MAP4K4: variants seen among roughly 807,000 people sequenced by gnomAD.
The protein encoded by MAP4K4 is mitogen-activated protein kinase kinase kinase kinase 4.
MAP4K4 carries 38 observed loss-of-function variants against 189.6 expected under a neutral mutation model. The ratio of observed to expected loss-of-function variants is 0.20; its 90% CI spans 0.15 to 0.26. MAP4K4 has a LOEUF of 0.26. MAP4K4 is among the 10% of genes least tolerant of loss of function. The probability of loss-of-function intolerance (pLI) is 1.00; values close to 1 mark genes in which losing one functional copy is unlikely to be tolerated. For missense variants in MAP4K4, 1,054 were observed against 1,726.9 expected (o/e 0.61, Z 6.91); for synonymous variants, 610 against 624.3 (o/e 0.98, Z 0.34).
intron 12 of MAP4K4, among the ~76,000 whole-genome samples, chr2:101,847,048 G>A (rs994472901): frequency 1.3e-5 from 2 of 152,138 alleles, no homozygotes; most frequent in African/African-American, 2.4e-5. Context: ...GCATAACAAC[G>A]TTTTGGTCAA....
At chr2:101,842,677 C>T in exon 11 of MAP4K4, 3 of 1,605,326 alleles carry the variant, frequency 1.9e-6, no homozygotes, top group Non-Finnish European at 2.6e-6. Flanking sequence ...GGAAGGAGAG[C>T]CAAGGTAACC....
chr2:101,721,083 A>G (rs1474270359), intron 2 of MAP4K4, among the ~76,000 whole-genome samples: 1 of 152,262 alleles, frequency 6.6e-6, no homozygotes, highest in Non-Finnish European at 1.5e-5. Flanking sequence ...AAGTAGAGAA[A>G]AAACATTCCC....
At chr2:101,789,383 A>G (rs534649425) in intron 2 of MAP4K4, among the ~76,000 whole-genome samples, 8 of 152,196 alleles carry the variant, frequency 5.3e-5, no homozygotes, top group Non-Finnish European at 7.3e-5. Context: ...ACCACTGACC[A>G]TGTGCCACAC....
At chr2:101,809,344 A>G (rs2095262058) in intron 3 of MAP4K4, among the ~76,000 whole-genome samples, 1 of 139,630 alleles carries the variant, frequency 7.2e-6, no homozygotes, top group Admixed American at 7.3e-5. Context: ...AGCACTTTTT[A>G]TTCTTAGTTT....
chr2:101,878,865 C>T (rs1447118905), intron 27 of MAP4K4, among the ~76,000 whole-genome samples: 2 of 152,148 alleles, frequency 1.3e-5, no homozygotes, highest in East Asian at 3.9e-4. Flanking sequence ...CTAATATATG[C>T]TTTGGTTGTT....
At chr2:101,746,290 AT>A (rs199987833) in intron 2 of MAP4K4, among the ~76,000 whole-genome samples, 11,782 of 131,748 alleles carry the variant, frequency 0.089, 581 homozygotes, top group African/African-American at 0.17. Context: ...CCTGGCCCTG[AT>A]TTTTTTTTTT....
At chr2:101,843,942 G>A (rs772119418) in intron 11 of MAP4K4, among the ~76,000 whole-genome samples, 159 bp from the exon 12 acceptor site, 54 of 152,206 alleles carry the variant, frequency 3.5e-4, no homozygotes, top group Non-Finnish European at 6.9e-4. Flanking sequence ...CTATTGAATT[G>A]TAGATATAGT....
At chr2:101,745,571 T>C (rs1214990838) in intron 2 of MAP4K4, among the ~76,000 whole-genome samples, 1 of 152,070 alleles carries the variant, frequency 6.6e-6, no homozygotes, top group African/African-American at 2.4e-5. Flanking sequence ...CTCTGATATG[T>C]CCAAATTTGA....
At position 101,866,720 on chromosome 2, in the gene MAP4K4, T is replaced by C. The variant is rs555865968; in HGVS notation, c.2356+141T>C. Reference sequence around the variant, plus strand: ...TAGCATAGGTTGCTAGTGACAATAATAGTCATCCTGATTTTAATCATAAAG... The same window carrying C: ...TAGCATAGGTTGCTAGTGACAATAACAGTCATCCTGATTTTAATCATAAAG... On this transcript the variant is annotated intron_variant, in intron 19 of 32. Coordinates refer to ENST00000324219, the Ensembl canonical transcript of MAP4K4. 3.9e-5 allele frequency: 42 copies of C among 1,065,284 alleles called. 1 individual carries two copies. The South Asian group carries it at 6.7e-4, about 17-fold the overall frequency. The allele number at this position is 1,065,284 out of a possible 1,614,324, so 66.0% of individuals were successfully genotyped here.
At chr2:101,846,159 A>T (rs1023040855) in intron 12 of MAP4K4, among the ~76,000 whole-genome samples, 1 of 152,244 alleles carries the variant, frequency 6.6e-6, no homozygotes, top group African/African-American at 2.4e-5. Context: ...TGCTTTTATA[A>T]TGCTTTTTGT....
chr2:101,892,729 T>C (rs1366350935), exon 33 of MAP4K4: 1 of 363,080 alleles, frequency 2.8e-6, no homozygotes, highest in Non-Finnish European at 5.5e-6. Flanking sequence ...CTTGCTCTCT[T>C]GTTCTCTGTT....
At chr2:101,806,991 G>C (rs1003210962) in intron 3 of MAP4K4, among the ~76,000 whole-genome samples, 5 of 151,902 alleles carry the variant, frequency 3.3e-5, no homozygotes, top group Non-Finnish European at 7.4e-5. Context: ...GTGTGGAGTA[G>C]TGTTGGTTCA....
rs55920032 is a variant in MAP4K4, at chr2:101,709,806, C to A, written c.123+11268C>A. Among the ~76,000 whole-genome samples the A allele has an allele frequency of 8.4e-3, 1,272 of 151,860 alleles. 17 individuals are homozygous for A. Among genetic ancestry groups the A allele is most frequent in the African/African-American group, 0.029 (1,214 of 41,424 alleles). ...TAAATGATTTGCTATGTGTTTTGGG[C>A]GAATAAGTTTGCTCATTTGTTTCAA... is the stretch of plus-strand genomic sequence containing the variant. On this transcript the variant is annotated intron_variant, in intron 2 of 32. Transcript: ENST00000324219.
rs771229849 is a variant in MAP4K4, at chr2:101,870,286, T to C, written c.2640-9T>C. ...TAAGGCCTTTCACGTCTGGATTTTT[T>C]CTCCATAGGTCATCTCTGAATTTGA... is the stretch of plus-strand genomic sequence containing the variant. On this transcript the variant is annotated splice_polypyrimidine_tract_variant and intron_variant, in intron 22 of 32. Coordinates refer to ENST00000324219, the Ensembl canonical transcript of MAP4K4. The C allele has an allele frequency of 1.8e-5, 29 of 1,611,736 alleles. No individual in the cohort carries two copies. Among genetic ancestry groups the C allele is most frequent in the Middle Eastern group, 1.6e-4 (1 of 6,076 alleles).
chr2:101,803,247 G>GA (rs1553484172), intron 3 of MAP4K4, among the ~76,000 whole-genome samples: 30 of 127,760 alleles, frequency 2.3e-4, no homozygotes, highest in African/African-American at 6.9e-4. Flanking sequence ...TGATGATGAT[G>GA]TGTGTGTGTG....
intron 2 of MAP4K4, among the ~76,000 whole-genome samples, chr2:101,761,284 A>T: frequency 6.6e-6 from 1 of 152,184 alleles, no homozygotes; most frequent in East Asian, 1.9e-4. Context: ...TAAAGTTTTG[A>T]GGTTTGCTGT....
intron 2 of MAP4K4, among the ~76,000 whole-genome samples, chr2:101,747,204 C>T (rs1007631964): frequency 8.5e-5 from 13 of 152,148 alleles, no homozygotes; most frequent in East Asian, 3.9e-4. Context: ...GCGCAACCTC[C>T]GCCTCCTGGG....
At chr2:101,818,335 C>T (rs966095586) in intron 3 of MAP4K4, among the ~76,000 whole-genome samples, 1 of 152,208 alleles carries the variant, frequency 6.6e-6, no homozygotes, top group Non-Finnish European at 1.5e-5. Context: ...CGTCCTCTCT[C>T]CAACTAACAA....
chr2:101,755,857 A>G (rs1226280924), intron 2 of MAP4K4, among the ~76,000 whole-genome samples: 2 of 149,748 alleles, frequency 1.3e-5, no homozygotes, highest in African/African-American at 4.9e-5. Flanking sequence ...GTAGGTGCAC[A>G]TCTGTCTATA....
Sources: gnomAD v4.1 joint callset for allele counts (sites outside exome capture counted in the v4.1 genomes callset) on GRCh38, gnomAD v4.1.1 for gene constraint, MANE v1.5 for transcripts, NCBI Gene and HGNC (gene_info 2026-07-23, HGNC 2026-07-21) for gene names.